MRPL1: variants seen among roughly 807,000 people sequenced by gnomAD.
MRPL1 encodes the protein mitochondrial ribosomal protein L1.
In MRPL1, 28 loss-of-function variants were observed where a neutral mutation model predicts 38.0. The ratio of observed to expected loss-of-function variants is 0.74; its 90% CI spans 0.55 to 1.01. The LOEUF (loss-of-function observed/expected upper bound fraction) is 1.01, where lower values mean the gene tolerates loss of function less well. Among genes scored for constraint, MRPL1 ranks in the 50% least tolerant of loss-of-function variants. MRPL1 has a pLI of 0.00. For synonymous variants in MRPL1, 123 were observed against 126.7 expected (o/e 0.97, Z 0.20); for missense variants, 358 against 389.8 (o/e 0.92, Z 0.69).
chr4:77,952,147 A>G (rs766748668), intron 8 of MRPL1, among the ~76,000 whole-genome samples: 1 of 152,184 alleles, frequency 6.6e-6, no homozygotes, highest in African/African-American at 2.4e-5. Flanking sequence ...CACCACCACT[A>G]TGACTCCTGT....
chr4:77,882,597 T>C (rs1735571066), intron 2 of MRPL1, among the ~76,000 whole-genome samples: 1 of 152,234 alleles, frequency 6.6e-6, no homozygotes, highest in Non-Finnish European at 1.5e-5. Context: ...CTTTTGTGAC[T>C]GGCTTCTTTC....
chr4:77,930,362 C>T (rs549908835), intron 7 of MRPL1, among the ~76,000 whole-genome samples: 9 of 152,272 alleles, frequency 5.9e-5, no homozygotes, highest in African/African-American at 1.7e-4. Flanking sequence ...TATTTACAGC[C>T]GCTCCCCATG....
At chr4:77,919,632 T>C (rs1418700941) in intron 7 of MRPL1, among the ~76,000 whole-genome samples, 3 of 152,104 alleles carry the variant, frequency 2.0e-5, no homozygotes, top group African/African-American at 7.2e-5. Context: ...TACGGTATAT[T>C]AGGACTTGTC....
intron 6 of MRPL1, among the ~76,000 whole-genome samples, chr4:77,907,500 G>A (rs564216689): frequency 1.5e-5 from 2 of 129,512 alleles, no homozygotes; most frequent in East Asian, 2.7e-4. Context: ...CCCTCCCTCC[G>A]TCTCTCTCTC....
chr4:77,883,296 A>T lies in MRPL1; in HGVS notation c.198A>T (p.Lys66Asn), dbSNP rs771311631. Residue 66 changes from lysine to asparagine, a missense_variant, in exon 3 of 9, where the codon AAA becomes AAT. Lys to Asn is a moderately conservative substitution (Grantham distance 94). Coordinates refer to ENST00000315567, the MANE Select transcript of MRPL1 (RefSeq NM_020236.4). ...AAGAAAAAACACCAGATGAGAAAAAAGATGAAATAGAAAAAATAAAAGCAT... is the reference window on the plus strand; with the variant it reads ...AAGAAAAAACACCAGATGAGAAAAATGATGAAATAGAAAAAATAAAAGCAT... ...GAKEKTPDEK[K>N]DEIEKIKAYP... The T allele has an allele frequency of 6.2e-7, 1 of 1,601,190 alleles. No homozygotes were observed. The highest frequency in any genetic ancestry group is 1.7e-4 in the Middle Eastern group (1 of 5,950).
chr4:77,919,370 T>C (rs1736510048), intron 7 of MRPL1, among the ~76,000 whole-genome samples: 1 of 152,202 alleles, frequency 6.6e-6, no homozygotes, highest in South Asian at 2.1e-4. Context: ...TTGTTCTTCA[T>C]TATAAGATAA....
At chr4:77,952,306 T>A (rs938408842) in intron 8 of MRPL1, among the ~76,000 whole-genome samples, 183 bp from the exon 9 acceptor site, 2 of 152,230 alleles carry the variant, frequency 1.3e-5, no homozygotes, top group African/African-American at 4.8e-5. Flanking sequence ...ACTAGAAATA[T>A]GCCTGAGAAA....
chr4:77,952,226 A>T lies in MRPL1; in HGVS notation c.860-263A>T, dbSNP rs113330216. Among the ~76,000 whole-genome samples the T allele has an allele frequency of 5.6e-4, 86 of 152,340 alleles. 1 individual carries two copies. Among genetic ancestry groups the T allele is most frequent in the African/African-American group, 2.0e-3 (82 of 41,574 alleles). ...TTAATCTTAAATGTATTTATAGTTC[A>T]AATTTATTTCAATGGTTAATATTAG... On this transcript the variant is annotated intron_variant, in intron 8 of 8. Coordinates refer to ENST00000315567, the MANE Select transcript of MRPL1 (RefSeq NM_020236.4).
At chr4:77,869,421 C>T (rs1735226001) in intron 1 of MRPL1, among the ~76,000 whole-genome samples, 1 of 152,128 alleles carries the variant, frequency 6.6e-6, no homozygotes, top group African/African-American at 2.4e-5. Context: ...GACAAATTGA[C>T]TACAAAAGGA....
intron 2 of MRPL1, among the ~76,000 whole-genome samples, chr4:77,875,655 CAA>C (rs1216281843): frequency 7.6e-6 from 1 of 131,256 alleles, no homozygotes; most frequent in Non-Finnish European, 1.7e-5. Flanking sequence ...CTGCCAAAAA[CAA>C]AAAAAAAAAG....
At position 77,864,812 on chromosome 4, in the gene MRPL1, G is replaced by C. The variant is rs181958938; in HGVS notation, c.31+1933G>C. 2.0e-5 allele frequency: 3 copies of C among 151,946 alleles called. No individual in the cohort carries two copies. In the East Asian group the frequency reaches 5.8e-4, roughly 29 times the overall value. 9.4% of individuals were successfully genotyped at this position (151,946 alleles called of 1,614,324 possible). ...AGCACTGGAAGCCACGGTAGCTACT[G>C]TTCTTTTTAGGTATTAGCCTCAATA... On this transcript the variant is annotated intron_variant, in intron 1 of 8. Coordinates refer to ENST00000315567, the MANE Select transcript of MRPL1 (RefSeq NM_020236.4).
intron 8 of MRPL1, among the ~76,000 whole-genome samples, chr4:77,950,604 T>TCC (rs1275736057): frequency 6.6e-6 from 1 of 152,180 alleles, no homozygotes; most frequent in Non-Finnish European, 1.5e-5. Context: ...CTTAAGCTAT[T>TCC]TTTTACCTTC....
At chr4:77,871,703 G>T in intron 1 of MRPL1, 41 bp from the exon 2 acceptor site, 2 of 891,190 alleles carry the variant, frequency 2.2e-6, no homozygotes, top group South Asian at 3.5e-5. Context: ...TGAATATAAT[G>T]ATTATTTAAT....
At chr4:77,951,537 T>C (rs1737409936) in intron 8 of MRPL1, among the ~76,000 whole-genome samples, 1 of 152,250 alleles carries the variant, frequency 6.6e-6, no homozygotes, top group Non-Finnish European at 1.5e-5. Flanking sequence ...AATACAGTAC[T>C]TTTCACTGAA....
At chr4:77,932,909 A>C (rs1167645048) in intron 7 of MRPL1, among the ~76,000 whole-genome samples, 2 of 151,864 alleles carry the variant, frequency 1.3e-5, no homozygotes, top group Non-Finnish European at 2.9e-5. Context: ...AGGTATCTAA[A>C]ACTTTGAGAG....
At chr4:77,946,744 A>G (rs1210215250) in intron 7 of MRPL1, among the ~76,000 whole-genome samples, 3 of 152,166 alleles carry the variant, frequency 2.0e-5, no homozygotes, top group Non-Finnish European at 4.4e-5. Context: ...ATTTGGACAG[A>G]CTAACCTCTG....
chr4:77,921,002 G>A (rs1162649956), intron 7 of MRPL1, among the ~76,000 whole-genome samples: 1 of 152,076 alleles, frequency 6.6e-6, no homozygotes, highest in Non-Finnish European at 1.5e-5. Context: ...CAAGTGATCT[G>A]CCCACGGTCG....
intron 6 of MRPL1, among the ~76,000 whole-genome samples, chr4:77,900,458 A>T (rs1736007375): frequency 1.3e-5 from 2 of 152,220 alleles, no homozygotes; most frequent in African/African-American, 4.8e-5. Flanking sequence ...GAATGAGATT[A>T]TATAAAGAAG....
intron 6 of MRPL1, among the ~76,000 whole-genome samples, chr4:77,900,120 T>G (rs1736001969): frequency 6.6e-6 from 1 of 152,236 alleles, no homozygotes; most frequent in African/African-American, 2.4e-5. Context: ...TGGGCCACTA[T>G]GATTATCATT....
Sources: gnomAD v4.1 joint callset for allele counts (sites outside exome capture counted in the v4.1 genomes callset) on GRCh38, gnomAD v4.1.1 for gene constraint, MANE v1.5 for transcripts, NCBI Gene and HGNC (gene_info 2026-07-23, HGNC 2026-07-21) for gene names.